The following ALDH1A2 variants were observed in gnomAD, a reference collection of about 807,000 sequenced individuals.
ALDH1A2 encodes the protein aldehyde dehydrogenase 1 family member A2, also known as retinal dehydrogenase 2.
ALDH1A2 carries 27 observed loss-of-function variants against 60.3 expected under a neutral mutation model. The observed-to-expected ratio is 0.45, with a 90% CI of 0.33 to 0.62. The LOEUF is 0.62. Ranked by LOEUF, ALDH1A2 falls within the 20% of genes least tolerant of loss-of-function variation. ALDH1A2 has a pLI of 0.02. For missense variants in ALDH1A2, 581 were observed against 643.8 expected, an observed-to-expected ratio of 0.90 and a Z score of 1.06; for synonymous variants, 289 against 232.4, an observed-to-expected ratio of 1.24 and a Z score of -2.21.
At chr15:57,993,141 G>A (rs1339165185) in intron 5 of ALDH1A2, 68 bp from the exon 6 acceptor site, 1 of 1,576,642 alleles carries the variant, frequency 6.3e-7, no homozygotes, top group African/African-American at 1.3e-5. Context: ...TTCAAGCTGT[G>A]ACTTCTCATA....
chr15:58,013,210 CT>C (rs1448102064), intron 3 of ALDH1A2, among the ~76,000 whole-genome samples: 1 of 152,158 alleles, frequency 6.6e-6, no homozygotes, highest in African/African-American at 2.4e-5. Context: ...ATTCCTTTTA[CT>C]CAAGAGAGGT....
chr15:57,972,291 T>C (rs1894095917), intron 7 of ALDH1A2, among the ~76,000 whole-genome samples: 1 of 152,180 alleles, frequency 6.6e-6, no homozygotes, highest in Non-Finnish European at 1.5e-5. Flanking sequence ...CTCCTGGGAA[T>C]TGGTTCCCCT....
chr15:58,010,691 C>T lies in ALDH1A2; in HGVS notation c.451G>A (p.Ala151Thr), dbSNP rs115875978. 3 of 1,613,422 alleles carry T rather than the reference C, an allele frequency of 1.9e-6. No homozygotes were observed. The highest frequency in any genetic ancestry group is 2.5e-6 in the Non-Finnish European group (3 of 1,179,498). ...QGVIKTFRYY[A>T]GWADKIHGMT... ...CCATGAATTTTATCAGCCCAGCCTG[C>T]GTAATATCGAAAGGTTTTGATGACG... is the stretch of plus-strand genomic sequence containing the variant. Residue 151 changes from alanine to threonine, a missense_variant, in exon 4 of 13, where the codon GCA (alanine) becomes ACA (threonine). This residue lies in a region of ALDH1A2 where 375 missense variants were observed against 469.7 expected (regional missense o/e 0.80). Coordinates refer to ENST00000249750, the MANE Select transcript of ALDH1A2 (RefSeq NM_003888.4).
intron 7 of ALDH1A2, among the ~76,000 whole-genome samples, chr15:57,977,245 G>T (rs1418936958): frequency 6.6e-6 from 1 of 152,040 alleles, no homozygotes; most frequent in African/African-American, 2.4e-5. Flanking sequence ...TGCACAAGCG[G>T]TTTAGTTTAA....
At chr15:58,007,821 A>G (rs1016945433) in intron 4 of ALDH1A2, among the ~76,000 whole-genome samples, 6 of 150,926 alleles carry the variant, frequency 4.0e-5, no homozygotes, top group Non-Finnish European at 7.4e-5. Flanking sequence ...CCAAGTATGC[A>G]GAGACAAAAT....
In ALDH1A2 at chr15:58,048,512, G is replaced by A. The variant is rs181000040; in HGVS notation, c.117+17022C>T. Among the ~76,000 whole-genome samples the A allele has an allele frequency of 3.3e-3, 504 of 152,148 alleles. 4 individuals are homozygous for A. The highest frequency in any genetic ancestry group is 0.011 in the African/African-American group (472 of 41,512). ...TGGTCAGCCTTTGATGGACAAGGCC[G>A]GATCCAAATGAATTGAGAAGGGAAG... On this transcript the variant is annotated intron_variant, in intron 1 of 12. Transcript: ENST00000249750.
rs184448939 is a variant in ALDH1A2 at position 57,993,284 on chromosome 15, C to G, written c.556-211G>C. Among the ~76,000 whole-genome samples, 3 of 152,300 alleles carry G rather than the reference C, an allele frequency of 2.0e-5. No homozygotes were observed. The East Asian group carries it at 5.8e-4, about 29-fold the overall frequency. ...CCTTTTCTCTCTGACCAACCAATTA[C>G]TATACTCCAACTACCCACCAAAAGA... On this transcript the variant is annotated intron_variant, in intron 5 of 12. Transcript: ENST00000249750.
intron 12 of ALDH1A2, 114 bp downstream of exon 12, chr15:57,960,656 A>ATGTT (rs1893687557): frequency 3.4e-6 from 3 of 881,158 alleles, no homozygotes; most frequent in Non-Finnish European, 5.6e-6. Flanking sequence ...GCTCCACGAA[A>ATGTT]TGTTTGTTGA....
At chr15:58,009,419 C>T (rs1326912890) in intron 4 of ALDH1A2, among the ~76,000 whole-genome samples, 1 of 151,926 alleles carries the variant, frequency 6.6e-6, no homozygotes, top group Admixed American at 6.6e-5. Context: ...CAAACCACTC[C>T]CTTTTTTAGT....
At chr15:58,064,602 G>A (rs562545720) in intron 1 of ALDH1A2, among the ~76,000 whole-genome samples, 1 of 152,238 alleles carries the variant, frequency 6.6e-6, no homozygotes, top group Non-Finnish European at 1.5e-5. Flanking sequence ...TGTACCGAAA[G>A]GACTAGAAAA....
intron 1 of ALDH1A2, among the ~76,000 whole-genome samples, chr15:58,064,695 G>A (rs916513355): frequency 6.6e-6 from 1 of 152,024 alleles, no homozygotes; most frequent in African/African-American, 2.4e-5. Flanking sequence ...TCAAAATGTT[G>A]TAACATTACA....
At chr15:58,021,113 T>C (rs2140526952) in intron 1 of ALDH1A2, among the ~76,000 whole-genome samples, 1 of 152,298 alleles carries the variant, frequency 6.6e-6, no homozygotes, top group African/African-American at 2.4e-5. Context: ...CTCTCAACTA[T>C]ATCTTTATTA....
chr15:57,983,997 T>G (rs2140478734), intron 7 of ALDH1A2, among the ~76,000 whole-genome samples: 1 of 152,374 alleles, frequency 6.6e-6, no homozygotes, highest in African/African-American at 2.4e-5. Context: ...AATGTGTCTA[T>G]GACCTAAGCA....
intron 1 of ALDH1A2, among the ~76,000 whole-genome samples, chr15:58,025,314 TCAAA>T (rs1231533262): frequency 2.0e-5 from 3 of 151,626 alleles, no homozygotes; most frequent in African/African-American, 7.3e-5. Context: ...AGGAGAAGAA[TCAAA>T]CAAAATCAGA....
chr15:57,961,522 C>T (rs1209100337), intron 10 of ALDH1A2, among the ~76,000 whole-genome samples: 1 of 152,168 alleles, frequency 6.6e-6, no homozygotes, highest in African/African-American at 2.4e-5. Context: ...TCACTTGATT[C>T]CACTGTGTAT....
At chr15:58,051,404 A>G (rs533207198) in intron 1 of ALDH1A2, among the ~76,000 whole-genome samples, 1 of 152,124 alleles carries the variant, frequency 6.6e-6, no homozygotes, top group African/African-American at 2.4e-5. Context: ...CAGAAAAGAA[A>G]AAAAGAGGAA....
rs139015822 is a variant in ALDH1A2, at chr15:57,977,762, T to C, written c.799-11935A>G. ...CTAATTCTATGAAGAAAGTCAATGG[T>C]AGCTTGATCGGGATAGCATTGAATT... On this transcript the variant is annotated intron_variant, in intron 7 of 12. Coordinates refer to ENST00000249750, the MANE Select transcript of ALDH1A2 (RefSeq NM_003888.4). 2.0e-3 allele frequency among the ~76,000 whole-genome samples: 302 copies of C among 152,358 alleles called. 4 individuals carry two copies. The highest frequency in any genetic ancestry group is 6.5e-3 in the African/African-American group (269 of 41,580).
intron 7 of ALDH1A2, among the ~76,000 whole-genome samples, chr15:57,966,395 A>G (rs1893898906): frequency 6.6e-6 from 1 of 152,238 alleles, no homozygotes; most frequent in Admixed American, 6.5e-5. Context: ...GTTTATCTTG[A>G]ATCCAAGTAA....
intron 7 of ALDH1A2, chr15:57,980,561 TG>T: frequency 3.7e-6 from 1 of 272,690 alleles, no homozygotes. Context: ...TGCCTCCTTC[TG>T]GGGGTCATAT....
Sources: allele counts gnomAD v4.1 joint callset (sites outside exome capture counted in the v4.1 genomes callset), GRCh38; gene constraint gnomAD v4.1.1; regional missense constraint gnomAD v4.1.1; transcripts MANE v1.5; gene names NCBI Gene and HGNC (gene_info 2026-07-23, HGNC 2026-07-21).